Variants in GRM7 observed in about 807,000 individuals in gnomAD.
GRM7 encodes the protein glutamate metabotropic receptor 7.
Under a neutral mutation model 84.5 loss-of-function variants are expected in GRM7, and 35 were observed. That is an observed-to-expected ratio of 0.41 (90% confidence interval 0.32 to 0.55). The LOEUF is 0.55. Among genes scored for constraint, GRM7 ranks in the 20% least tolerant of loss-of-function variants. GRM7 has a pLI of 0.19. For missense variants in GRM7, 1,003 were observed against 1,194.6 expected, an observed-to-expected ratio of 0.84 and a Z score of 2.36; for synonymous variants, 487 against 455.1, an observed-to-expected ratio of 1.07 and a Z score of -0.89.
intron 1 of GRM7, among the ~76,000 whole-genome samples, chr3:7,069,463 A>G (rs1187947929): frequency 1.3e-5 from 2 of 152,124 alleles, no homozygotes; most frequent in Non-Finnish European, 2.9e-5. Context: ...ATTGAAAGTA[A>G]GAGAATTGAG....
intron 1 of GRM7, among the ~76,000 whole-genome samples, chr3:7,099,436 A>T (rs1471809035): frequency 2.0e-5 from 3 of 149,398 alleles, no homozygotes; most frequent in African/African-American, 7.3e-5. Flanking sequence ...ATACGTATAC[A>T]TTATACATAT....
intron 8 of GRM7, among the ~76,000 whole-genome samples, chr3:7,582,204 G>A (rs372054287): frequency 3.9e-5 from 6 of 152,280 alleles, no homozygotes; most frequent in African/African-American, 1.2e-4. Context: ...AAAAGCAAAA[G>A]CTTGCCTTGT....
At chr3:7,175,970 T>G (rs544720165) in intron 2 of GRM7, among the ~76,000 whole-genome samples, 3 of 152,048 alleles carry the variant, frequency 2.0e-5, no homozygotes, top group African/African-American at 7.2e-5. Context: ...TGTGTGTAGG[T>G]GGGTATGTAA....
chr3:7,656,547 G>GCGCACACA (rs1553632745), intron 8 of GRM7, among the ~76,000 whole-genome samples: 9 of 139,252 alleles, frequency 6.5e-5, no homozygotes, highest in African/African-American at 2.3e-4. Flanking sequence ...ATACGCGCGC[G>GCGCACACA]CACACACACA....
chr3:7,713,339 G>A (rs926954307), intron 9 of GRM7, among the ~76,000 whole-genome samples: 2 of 151,658 alleles, frequency 1.3e-5, no homozygotes, highest in East Asian at 1.9e-4. Context: ...GTTTGACCAC[G>A]TTGGCCAGGC....
chr3:7,683,429 T>G (rs77265496), intron 9 of GRM7, among the ~76,000 whole-genome samples: 1,809 of 152,298 alleles, frequency 0.012, 38 homozygotes, highest in African/African-American at 0.042. Context: ...CTGGAAAGAT[T>G]TTTTTAAATT....
At chr3:7,003,859 G>T (rs572899002) in intron 1 of GRM7, among the ~76,000 whole-genome samples, 3 of 152,248 alleles carry the variant, frequency 2.0e-5, no homozygotes, top group East Asian at 3.9e-4. Context: ...CTAACTTGGG[G>T]TATCTCATGA....
At chr3:7,633,740 C>T (rs559757498) in intron 8 of GRM7, among the ~76,000 whole-genome samples, 23 of 152,056 alleles carry the variant, frequency 1.5e-4, no homozygotes, top group South Asian at 1.5e-3. Context: ...GTTCCTTCCC[C>T]GCAATGCATT....
chr3:7,461,748 C>T lies in GRM7; in HGVS notation c.1515+26C>T, dbSNP rs748763547. 2.5e-6 allele frequency: 4 copies of T among 1,607,678 alleles called. No homozygotes were observed. The East Asian group carries it at 8.9e-5, about 36-fold the overall frequency. On this transcript the variant is annotated intron_variant, in intron 7 of 9. Transcript: ENST00000357716. ...GTGAGTTCTGCTTGCTTCTCTTCTT[C>T]CCTTGTTGAGATGAATGAACAGACT...
intron 4 of GRM7, among the ~76,000 whole-genome samples, chr3:7,324,819 A>C (rs1203797280): frequency 6.6e-6 from 1 of 152,070 alleles, no homozygotes; most frequent in African/African-American, 2.4e-5. Flanking sequence ...ACAAATCTCC[A>C]ATATCAGCAA....
intron 1 of GRM7, among the ~76,000 whole-genome samples, chr3:7,125,232 C>A (rs1446347853): frequency 6.6e-6 from 1 of 152,174 alleles, no homozygotes; most frequent in Non-Finnish European, 1.5e-5. Flanking sequence ...AGCCACCATG[C>A]CCGGCCTAAT....
intron 1 of GRM7, among the ~76,000 whole-genome samples, chr3:6,896,702 G>A (rs1277130376): frequency 1.3e-5 from 2 of 152,090 alleles, no homozygotes; most frequent in Non-Finnish European, 2.9e-5. Context: ...CAAGAATCTT[G>A]CTACATTATT....
At chr3:7,475,941 T>C (rs1283897180) in intron 7 of GRM7, among the ~76,000 whole-genome samples, 1 of 152,198 alleles carries the variant, frequency 6.6e-6, no homozygotes, top group Non-Finnish European at 1.5e-5. Flanking sequence ...ATACTATTGA[T>C]CCTTCTGTGA....
At chr3:7,541,045 A>T (rs1692856715) in intron 7 of GRM7, among the ~76,000 whole-genome samples, 1 of 152,224 alleles carries the variant, frequency 6.6e-6, no homozygotes, top group South Asian at 2.1e-4. Flanking sequence ...TATATTTAAA[A>T]TAAAACCAAG....
chr3:7,163,611 G>A (rs778321346), intron 2 of GRM7, among the ~76,000 whole-genome samples: 2 of 152,196 alleles, frequency 1.3e-5, no homozygotes, highest in Non-Finnish European at 2.9e-5. Context: ...GGAGACAGTA[G>A]AAGTGCTGTG....
intron 1 of GRM7, among the ~76,000 whole-genome samples, chr3:6,936,422 G>A (rs913683665): frequency 6.6e-6 from 1 of 152,158 alleles, no homozygotes; most frequent in African/African-American, 2.4e-5. Context: ...GTTATCCAAT[G>A]AGCCACAGTC....
intron 2 of GRM7, among the ~76,000 whole-genome samples, chr3:7,282,720 G>GT (rs1278747975): frequency 1.4e-4 from 22 of 151,912 alleles, no homozygotes; most frequent in East Asian, 7.7e-4. Flanking sequence ...TTAAGATTGT[G>GT]TTTTTTTTGC....
intron 2 of GRM7, among the ~76,000 whole-genome samples, chr3:7,234,834 A>G (rs767919955): frequency 6.6e-6 from 1 of 152,136 alleles, no homozygotes; most frequent in Non-Finnish European, 1.5e-5. Flanking sequence ...TCCATTAGAG[A>G]TTATGTTTTG....
At chr3:7,665,941 C>T (rs6789198) in intron 8 of GRM7, among the ~76,000 whole-genome samples, 81,001 of 152,084 alleles carry the variant, frequency 0.53, 22,389 homozygotes, top group African/African-American at 0.66. Flanking sequence ...TATTATACTC[C>T]TTATTCATTC....
Sources: allele counts gnomAD v4.1 joint callset (sites outside exome capture counted in the v4.1 genomes callset), GRCh38; gene constraint gnomAD v4.1.1; transcripts MANE v1.5; gene names NCBI Gene and HGNC (gene_info 2026-07-23, HGNC 2026-07-21).